The following PCDH15 variants were observed in gnomAD, a reference collection of about 807,000 sequenced individuals.
PCDH15 encodes the protein protocadherin-15.
PCDH15 carries 129 observed loss-of-function variants against 178.5 expected under a neutral mutation model. The ratio of observed to expected loss-of-function variants is 0.72; its 90% CI spans 0.63 to 0.84. PCDH15 has a LOEUF of 0.84. Among genes scored for constraint, PCDH15 ranks in the 40% least tolerant of loss-of-function variants. The probability of loss-of-function intolerance (pLI) is 0.00; values close to 1 mark genes in which losing one functional copy is unlikely to be tolerated. For synonymous variants in PCDH15, 800 were observed against 732.0 expected, an observed-to-expected ratio of 1.09 and a Z score of -1.50; for missense variants, 2,230 against 2,099.9, an observed-to-expected ratio of 1.06 and a Z score of -1.21.
At chr10:54,304,141 C>G (rs1217845091) in intron 8 of PCDH15, among the ~76,000 whole-genome samples, 1 of 151,904 alleles carries the variant, frequency 6.6e-6, no homozygotes. Context: ...AAGGTTTTTT[C>G]AATTTTATTT....
chr10:54,626,889 A>AGCC (rs1192857267), intron 2 of PCDH15, among the ~76,000 whole-genome samples: 1 of 152,166 alleles, frequency 6.6e-6, no homozygotes, highest in Non-Finnish European at 1.5e-5. Context: ...TAGCCTGCAA[A>AGCC]GCCACAGGGA....
At chr10:54,006,433 T>G (rs2135093300) in intron 20 of PCDH15, among the ~76,000 whole-genome samples, 1 of 152,266 alleles carries the variant, frequency 6.6e-6, no homozygotes, top group Non-Finnish European at 1.5e-5. Flanking sequence ...AAATTATCAT[T>G]TATTCAAATT....
chr10:55,262,408 T>G (rs1203711451), intron 1 of PCDH15, among the ~76,000 whole-genome samples: 2 of 152,148 alleles, frequency 1.3e-5, no homozygotes, highest in African/African-American at 4.8e-5. Context: ...TGGCCCACCA[T>G]GCTTTCATCC....
chr10:53,919,741 G>A (rs2083843031), intron 25 of PCDH15, among the ~76,000 whole-genome samples: 1 of 152,048 alleles, frequency 6.6e-6, no homozygotes, highest in African/African-American at 2.4e-5. Context: ...ATGGGGAGTG[G>A]GGAGCAAGGC....
At chr10:53,849,614 C>T (rs955496187) in intron 28 of PCDH15, among the ~76,000 whole-genome samples, 2 of 151,936 alleles carry the variant, frequency 1.3e-5, no homozygotes, top group African/African-American at 2.4e-5. Context: ...CCTGTAATCC[C>T]AGCACTTTGG....
At chr10:54,890,221 T>C (rs998826570) in intron 3 of PCDH15, among the ~76,000 whole-genome samples, 1 of 151,850 alleles carries the variant, frequency 6.6e-6, no homozygotes, top group Non-Finnish European at 1.5e-5. Flanking sequence ...CACATGAGCG[T>C]GGATAAAGAT....
At position 55,239,190 on chromosome 10, in the gene PCDH15, A is replaced by G. The variant is rs549727135; in HGVS notation, c.-155-72539T>C. 7.2e-5 allele frequency among the ~76,000 whole-genome samples: 11 copies of G among 152,294 alleles called. No homozygotes were observed. The South Asian group carries it at 2.3e-3, about 32-fold the overall frequency. On this transcript the variant is annotated intron_variant, in intron 1 of 5. Coordinates refer to the PCDH15 transcript ENST00000458638. ...TTCCATCCATGTTGTTGCAAATGAC[A>G]GGATTTCATTATTTTTTATAAATTA...
chr10:55,554,794 T>C (rs1842060812), intron 2 of PCDH15, among the ~76,000 whole-genome samples: 1 of 152,096 alleles, frequency 6.6e-6, no homozygotes, highest in Non-Finnish European at 1.5e-5. Context: ...CCTAATGTCC[T>C]TTTATGTTCT....
At chr10:54,313,843 A>G (rs2061057475) in intron 8 of PCDH15, among the ~76,000 whole-genome samples, 1 of 152,070 alleles carries the variant, frequency 6.6e-6, no homozygotes, top group Non-Finnish European at 1.5e-5. Context: ...CTCAGTCTGT[A>G]ATCTGGAGAG....
chr10:55,350,937 C>T (rs554482753), intron 2 of PCDH15, among the ~76,000 whole-genome samples: 1 of 151,750 alleles, frequency 6.6e-6, no homozygotes, highest in East Asian at 1.9e-4. Flanking sequence ...TACGTGTGGT[C>T]CACATGTTTT....
chr10:54,368,977 G>T, intron 5 of PCDH15, 143 bp downstream of exon 5: 1 of 864,334 alleles, frequency 1.2e-6, no homozygotes, highest in Non-Finnish European at 1.8e-6. Context: ...TACTTCTTCT[G>T]AGTACTATTT....
intron 32 of PCDH15, chr10:53,821,184 A>AGTATAAGAT: frequency 1.0e-6 from 1 of 973,332 alleles, no homozygotes; most frequent in Non-Finnish European, 1.2e-6. Context: ...CAACTGAAAA[A>AGTATAAGAT]GTATAAGATT....
intron 2 of PCDH15, among the ~76,000 whole-genome samples, chr10:55,374,776 G>T (rs1236726549): frequency 2.0e-5 from 3 of 151,912 alleles, no homozygotes; most frequent in African/African-American, 7.2e-5. Context: ...CATAATTTTT[G>T]TTGTGAAAAA....
chr10:54,884,069 A>G (rs1262778499), intron 3 of PCDH15, among the ~76,000 whole-genome samples: 2 of 152,032 alleles, frequency 1.3e-5, no homozygotes. Flanking sequence ...CATGAGATTT[A>G]TGTTTTTATG....
intron 26 of PCDH15, among the ~76,000 whole-genome samples, chr10:53,891,937 C>A (rs2081583338): frequency 6.6e-6 from 1 of 151,744 alleles, no homozygotes; most frequent in South Asian, 2.1e-4. Context: ...CCAATGCACT[C>A]CACCCTGGGT....
intron 1 of PCDH15, among the ~76,000 whole-genome samples, chr10:55,179,161 T>A (rs1240119440): frequency 2.6e-5 from 4 of 152,132 alleles, no homozygotes. Context: ...TGGCTCCCTT[T>A]TTACTGGGGA....
intron 2 of PCDH15, among the ~76,000 whole-genome samples, chr10:55,054,866 C>A (rs1053372972): frequency 5.3e-5 from 8 of 151,972 alleles, no homozygotes; most frequent in African/African-American, 1.9e-4. Flanking sequence ...TAGGGGTTAT[C>A]TGTTTTCTTC....
intron 8 of PCDH15, among the ~76,000 whole-genome samples, chr10:54,291,561 T>C (rs2059408676): frequency 6.6e-6 from 1 of 151,810 alleles, no homozygotes; most frequent in Admixed American, 6.6e-5. Flanking sequence ...CCAACAAAAT[T>C]GATAGACCTT....
At chr10:54,169,852 C>T (rs186323360) in intron 13 of PCDH15, among the ~76,000 whole-genome samples, 306 of 151,958 alleles carry the variant, frequency 2.0e-3, no homozygotes, top group African/African-American at 7.1e-3. Flanking sequence ...CCCATTTCAC[C>T]TGTCCTAAAA....
Sources: gnomAD v4.1 joint callset for allele counts (sites outside exome capture counted in the v4.1 genomes callset) on GRCh38, gnomAD v4.1.1 for gene constraint, MANE v1.5 for transcripts, NCBI Gene and HGNC (gene_info 2026-07-23, HGNC 2026-07-21) for gene names.